Variants in RSPO3 observed in about 807,000 individuals in gnomAD.
RSPO3 encodes the protein R-spondin-3.
RSPO3 carries 17 observed loss-of-function variants against 36.5 expected under a neutral mutation model. The ratio of observed to expected loss-of-function variants is 0.47; its 90% CI spans 0.32 to 0.70. RSPO3 has a LOEUF of 0.70. Ranked by LOEUF, RSPO3 falls within the 30% of genes least tolerant of loss-of-function variation. RSPO3 has a pLI of 0.04. For missense variants in RSPO3, 294 were observed against 322.5 expected, an observed-to-expected ratio of 0.91 and a Z score of 0.68; for synonymous variants, 108 against 107.0, an observed-to-expected ratio of 1.01 and a Z score of -0.06.
At chr6:127,173,969 C>T (rs1006977747) in intron 4 of RSPO3, among the ~76,000 whole-genome samples, 1 of 151,824 alleles carries the variant, frequency 6.6e-6, no homozygotes, top group Non-Finnish European at 1.5e-5. Flanking sequence ...CGTGCTCATT[C>T]GTGTGGGCGC....
chr6:127,169,668 TGACA>T (rs1303538279), intron 4 of RSPO3, among the ~76,000 whole-genome samples: 2 of 151,922 alleles, frequency 1.3e-5, no homozygotes, highest in African/African-American at 4.8e-5. Context: ...AAGCTGGTAA[TGACA>T]GAAAAGAAAT....
At chr6:127,181,384 C>T (rs1443513972) in intron 4 of RSPO3, among the ~76,000 whole-genome samples, 1 of 151,684 alleles carries the variant, frequency 6.6e-6, no homozygotes, top group African/African-American at 2.4e-5. Context: ...AGCTGCTTAC[C>T]AGGTGTTGTT....
At chr6:127,136,649 G>A (rs1019597192) in intron 1 of RSPO3, among the ~76,000 whole-genome samples, 1 of 152,098 alleles carries the variant, frequency 6.6e-6, no homozygotes, top group African/African-American at 2.4e-5. Flanking sequence ...GCTCAAAGAT[G>A]GTAAGTGATT....
intron 1 of RSPO3, among the ~76,000 whole-genome samples, chr6:127,120,145 C>A (rs1582780224): frequency 1.3e-5 from 2 of 152,182 alleles, no homozygotes; most frequent in African/African-American, 4.8e-5. Flanking sequence ...CTTCTTAAGA[C>A]GGTGTCCTAG....
chr6:127,123,578 CT>C (rs906367264), intron 1 of RSPO3, among the ~76,000 whole-genome samples: 3 of 152,088 alleles, frequency 2.0e-5, no homozygotes, highest in Non-Finnish European at 4.4e-5. Context: ...CATGGTGACA[CT>C]ATTTTAATTC....
At chr6:127,164,119 A>G (rs1287867501) in intron 4 of RSPO3, among the ~76,000 whole-genome samples, 1 of 152,076 alleles carries the variant, frequency 6.6e-6, no homozygotes, top group Non-Finnish European at 1.5e-5. Flanking sequence ...TCTCTCTTTC[A>G]GTATCCCTGC....
intron 1 of RSPO3, among the ~76,000 whole-genome samples, chr6:127,133,260 G>T (rs1208479747): frequency 6.6e-6 from 1 of 152,022 alleles, no homozygotes; most frequent in East Asian, 1.9e-4. Flanking sequence ...TGCTATAAAT[G>T]AGCAAGGAAA....
chr6:127,175,971 A>G (rs754490057), intron 4 of RSPO3, among the ~76,000 whole-genome samples: 1 of 151,768 alleles, frequency 6.6e-6, no homozygotes, highest in Non-Finnish European at 1.5e-5. Flanking sequence ...AAAAATCACT[A>G]TTATTTTAAA....
Position 127,119,176 on chromosome 6 carries a change from A to G in RSPO3, c.-17A>G. ...AAAAGAAAGAGGAGAAAGGAAGGGA[A>G]GCATTACTGGGTTACTATGCACTTG... On this transcript the variant is annotated 5_prime_UTR_variant, in exon 1 of 5. Coordinates refer to ENST00000356698, the MANE Select transcript of RSPO3 (RefSeq NM_032784.5). 6.5e-7 allele frequency: 1 copy of G among 1,537,896 alleles called. No individual in the cohort carries two copies. The highest frequency in any genetic ancestry group is 9.0e-7 in the Non-Finnish European group (1 of 1,113,140).
chr6:127,157,933 G>A (rs1157869082), intron 4 of RSPO3, among the ~76,000 whole-genome samples: 1 of 151,252 alleles, frequency 6.6e-6, no homozygotes, highest in African/African-American at 2.4e-5. Context: ...GTGACCTCTG[G>A]ACATCCCACC....
In RSPO3 at chr6:127,148,859, T is replaced by C. The variant is rs913443016; in HGVS notation, c.289+20T>C. On this transcript the variant is annotated intron_variant, in intron 2 of 4. Coordinates refer to ENST00000356698, the MANE Select transcript of RSPO3 (RefSeq NM_032784.5). ...GTACAAGTAAGTGCCCACACGAAAT[T>C]GTATTTTTATCTCATCTTTGGTGAC... is the stretch of plus-strand genomic sequence containing the variant. The C allele has an allele frequency of 6.3e-7, 1 of 1,581,490 alleles. No individual in the cohort carries two copies. Among genetic ancestry groups the C allele is most frequent in the Non-Finnish European group, 8.6e-7 (1 of 1,159,086 alleles).
At chr6:127,158,188 T>C (rs1368589535) in intron 4 of RSPO3, among the ~76,000 whole-genome samples, 1 of 151,972 alleles carries the variant, frequency 6.6e-6, no homozygotes, top group African/African-American at 2.4e-5. Context: ...ATTTCTTATT[T>C]TAAGTAGGGT....
intron 1 of RSPO3, among the ~76,000 whole-genome samples, chr6:127,125,522 G>A (rs944427286): frequency 6.6e-6 from 1 of 152,108 alleles, no homozygotes; most frequent in African/African-American, 2.4e-5. Flanking sequence ...TGATCCCTAC[G>A]GTTTCCTCAA....
chr6:127,143,388 C>G (rs1206317589), intron 1 of RSPO3, among the ~76,000 whole-genome samples: 1 of 152,102 alleles, frequency 6.6e-6, no homozygotes, highest in Non-Finnish European at 1.5e-5. Context: ...TTCAGTTGGT[C>G]TCTTCTCTCT....
chr6:127,197,437 C>A lies in RSPO3; in HGVS notation c.*1430C>A, dbSNP rs1300253505. 6.4e-7 allele frequency: 1 copy of A among 1,550,488 alleles called. No individual in the cohort carries two copies. Among genetic ancestry groups the A allele is most frequent in the East Asian group, 2.4e-5 (1 of 40,908 alleles). Reference sequence around the variant, plus strand: ...GTGGATCTCTTTAGGGGATTGAAGTCACCCTAGCTGAAGGCCTCACCAGTG... The same window carrying A: ...GTGGATCTCTTTAGGGGATTGAAGTAACCCTAGCTGAAGGCCTCACCAGTG... On this transcript the variant is annotated 3_prime_UTR_variant, in exon 5 of 5. Transcript: ENST00000356698.
intron 1 of RSPO3, among the ~76,000 whole-genome samples, chr6:127,142,118 A>G (rs911557768): frequency 3.3e-5 from 5 of 152,282 alleles, no homozygotes; most frequent in Middle Eastern, 3.4e-3. Flanking sequence ...AAAAAATAAT[A>G]ATGAATAAAC....
At chr6:127,154,227 ACTT>A (rs1433866346) in intron 3 of RSPO3, among the ~76,000 whole-genome samples, 2 of 152,150 alleles carry the variant, frequency 1.3e-5, no homozygotes, top group Admixed American at 6.6e-5. Context: ...GTTACTGGAA[ACTT>A]CTTTTTGTGG....
At chr6:127,142,168 G>C (rs533000480) in intron 1 of RSPO3, among the ~76,000 whole-genome samples, 3 of 152,172 alleles carry the variant, frequency 2.0e-5, no homozygotes, top group Admixed American at 1.3e-4. Flanking sequence ...AATCCAAAAG[G>C]AGTGTTGTAT....
At chr6:127,139,973 G>A (rs960287623) in intron 1 of RSPO3, among the ~76,000 whole-genome samples, 16 of 152,116 alleles carry the variant, frequency 1.1e-4, no homozygotes, top group African/African-American at 3.4e-4. Flanking sequence ...TTGGTTCTGT[G>A]AGTAGTTTGT....
Sources: allele counts gnomAD v4.1 joint callset (sites outside exome capture counted in the v4.1 genomes callset), GRCh38; gene constraint gnomAD v4.1.1; transcripts MANE v1.5; gene names NCBI Gene and HGNC (gene_info 2026-07-23, HGNC 2026-07-21).